NFIC: variants seen among roughly 807,000 people sequenced by gnomAD.
NFIC encodes nuclear factor I C, also known as nuclear factor 1 C-type.
NFIC carries 12 observed loss-of-function variants against 54.4 expected under a neutral mutation model. That is an observed-to-expected ratio of 0.22 (90% CI 0.14 to 0.36). The LOEUF (loss-of-function observed/expected upper bound fraction) is 0.36, where lower values mean the gene tolerates loss of function less well. Among genes scored for constraint, NFIC ranks in the 10% least tolerant of loss-of-function variants. NFIC has a pLI of 1.00. For synonymous variants in NFIC, 322 were observed against 319.2 expected, an observed-to-expected ratio of 1.01 and a Z score of -0.09; for missense variants, 575 against 718.2, an observed-to-expected ratio of 0.80 and a Z score of 2.28.
chr19:3,372,872 T>C (rs1322390272), intron 1 of NFIC, among the ~76,000 whole-genome samples: 7 of 150,594 alleles, frequency 4.6e-5, no homozygotes, highest in African/African-American at 1.7e-4. Flanking sequence ...TGAAACAGAG[T>C]CTCGCTCTGT....
intron 2 of NFIC, among the ~76,000 whole-genome samples, chr19:3,412,381 G>A (rs988116756): frequency 1.1e-4 from 17 of 152,134 alleles, no homozygotes; most frequent in African/African-American, 3.9e-4. Context: ...AAGTAGCTGC[G>A]ACTACAGGAT....
intron 6 of NFIC, among the ~76,000 whole-genome samples, chr19:3,443,123 C>A (rs938697659): frequency 6.6e-6 from 1 of 152,142 alleles, no homozygotes; most frequent in Non-Finnish European, 1.5e-5. Context: ...GGCTGAGAAA[C>A]CTGTATTAAT....
chr19:3,465,723 C>G lies in NFIC; in HGVS notation c.*2954C>G, dbSNP rs1404416397. 1 of 152,270 alleles carries G rather than the reference C, an allele frequency of 6.6e-6. No homozygotes were observed. Among genetic ancestry groups the G allele is most frequent in the Non-Finnish European group, 1.5e-5 (1 of 68,090 alleles). 9.4% of individuals were successfully genotyped at this position (152,270 alleles called of 1,614,324 possible). On this transcript the variant is annotated 3_prime_UTR_variant, in exon 11 of 11. Transcript: ENST00000443272. ...GGTCCCTAGGCCACGGGCCGGCCCC[C>G]AGACACCATTCACCGACCCACTGCA...
At chr19:3,428,743 A>T (rs977398836) in intron 3 of NFIC, among the ~76,000 whole-genome samples, 7 of 152,016 alleles carry the variant, frequency 4.6e-5, no homozygotes, top group African/African-American at 4.8e-5. Flanking sequence ...AGAGGAAATC[A>T]CGTCCTCCCA....
At chr19:3,379,673 C>CTTTTTTTTT (rs370082450) in intron 1 of NFIC, among the ~76,000 whole-genome samples, 11 of 102,534 alleles carry the variant, frequency 1.1e-4, no homozygotes, top group East Asian at 3.3e-4. Flanking sequence ...TTATTTCTTT[C>CTTTTTTTTT]TTTTTTTTTT....
In NFIC at chr19:3,375,444, G is replaced by T. The variant is rs746098358; in HGVS notation, c.31-6268G>T. On this transcript the variant is annotated intron_variant, in intron 1 of 10. Coordinates refer to ENST00000443272, the MANE Select transcript of NFIC (RefSeq NM_001245002.2). This position sits in a 1 kb window ranked among gnomAD's most constrained non-coding sequence, Gnocchi z 4.6. ...TCCCAGCTCTGCTGACCGGCTGTGT[G>T]ACCCTGGACAAACCACTCCCCATCT... Among the ~76,000 whole-genome samples the T allele has an allele frequency of 2.0e-5, 3 of 152,200 alleles. No homozygotes were observed. The highest frequency in any genetic ancestry group is 4.8e-5 in the African/African-American group (2 of 41,458).
Position 3,371,931 on chromosome 19 carries a change from CCTTCCT to C in NFIC, c.30+5266_30+5271del, listed in dbSNP as rs1474918830. Among the ~76,000 whole-genome samples, 317 of 132,290 alleles carry C rather than the reference CCTTCCT, an allele frequency of 2.4e-3. 4 individuals are homozygous for C. The highest frequency in any genetic ancestry group is 0.016 in the East Asian group (69 of 4,350). 86.8% of individuals were successfully genotyped at this position (132,290 alleles called of 152,430 possible). A position where few individuals can be genotyped will look rare whatever the true frequency, so the allele number is the denominator to read the frequency against. ...TCCTTCCTTCCTTCCTTCCTTCCTT[CCTTCCT>C]TCCCTCCCTCCCTCCCTCCTTCCTT... On this transcript the variant is annotated intron_variant, in intron 1 of 10. Transcript: ENST00000443272.
chr19:3,405,108 A>G (rs1446056600), intron 2 of NFIC, among the ~76,000 whole-genome samples: 1 of 152,234 alleles, frequency 6.6e-6, no homozygotes, highest in Admixed American at 6.5e-5. Context: ...TTTTCTTTGA[A>G]AGTGATTCCG....
intron 10 of NFIC, among the ~76,000 whole-genome samples, chr19:3,461,331 G>A (rs1380115583): frequency 2.0e-5 from 3 of 152,108 alleles, no homozygotes; most frequent in Non-Finnish European, 4.4e-5. Flanking sequence ...GCTGAGGTGG[G>A]AGGATCACTT....
At chr19:3,422,544 C>G (rs972568601) in intron 2 of NFIC, among the ~76,000 whole-genome samples, 2 of 151,280 alleles carry the variant, frequency 1.3e-5, no homozygotes, top group African/African-American at 4.8e-5. Context: ...GGTGAAACCC[C>G]GTCTCTATTA....
At chr19:3,363,259 ATATATATATATTTT>A (rs1334186099), upstream of NFIC, among the ~76,000 whole-genome samples, 8 of 23,856 alleles carry the variant, frequency 3.4e-4, no homozygotes, top group South Asian at 7.7e-3. Context: ...ATATATATAT[ATATATATATATTTT>A]TTTTTTTTTT....
chr19:3,454,022 G>A lies in NFIC; in HGVS notation c.1423+106G>A, dbSNP rs997580746. 5 of 1,389,382 alleles carry A rather than the reference G, an allele frequency of 3.6e-6. No individual in the cohort carries two copies. In the Admixed American group the frequency reaches 1.8e-4, roughly 50 times the overall value. The allele number at this position is 1,389,382 out of a possible 1,614,324, so 86.1% of individuals were successfully genotyped here. ...CAGAGGTCAGGCCCGACCCTGCAGG[G>A]CCTGGCGAGTTTGGTGGGTCTCCGG... On this transcript the variant is annotated intron_variant, in intron 9 of 10. Coordinates refer to ENST00000443272, the MANE Select transcript of NFIC (RefSeq NM_001245002.2).
intron 2 of NFIC, among the ~76,000 whole-genome samples, chr19:3,404,760 C>G (rs2081616973): frequency 6.6e-6 from 1 of 152,242 alleles, no homozygotes; most frequent in Non-Finnish European, 1.5e-5. Context: ...GCGGCGTGGC[C>G]TCCCAGAGCG....
Position 3,453,866 on chromosome 19 carries a change from C to T in NFIC, c.1373C>T (p.Thr458Ile), listed in dbSNP as rs1323844765. 1 of 1,564,804 alleles carries T rather than the reference C, an allele frequency of 6.4e-7. No homozygotes were observed. The highest frequency in any genetic ancestry group is 1.7e-4 in the Middle Eastern group (1 of 5,996). ...CCACGGCTGGCGCTCCCCCCTGCCA[C>T]CAAACCCGCCACCACCTCCGAGGGA... Reference protein sequence around the residue: ...GLPRLALPPATKPATTSEGGA... With the variant: ...GLPRLALPPAIKPATTSEGGA... Residue 458 changes from threonine to isoleucine, a missense_variant, in exon 9 of 11, where the codon ACC becomes ATC. Around this residue, in one of 3 missense-constraint regions of NFIC, gnomAD observed 447 missense variants for 526.9 expected, o/e 0.85. Coordinates refer to ENST00000443272, the MANE Select transcript of NFIC (RefSeq NM_001245002.2). This position sits in a 1 kb window ranked among gnomAD's most constrained non-coding sequence, Gnocchi z 6.7.
intron 3 of NFIC, among the ~76,000 whole-genome samples, chr19:3,429,890 C>T (rs1200157951): frequency 6.6e-6 from 1 of 152,198 alleles, no homozygotes; most frequent in Non-Finnish European, 1.5e-5. Context: ...AAACATCATC[C>T]CCATCGGAGA....
intron 7 of NFIC, among the ~76,000 whole-genome samples, chr19:3,450,038 G>C (rs1354482729): frequency 6.6e-6 from 1 of 152,028 alleles, no homozygotes; most frequent in Non-Finnish European, 1.5e-5. Flanking sequence ...CTGGGCGACA[G>C]AGCAAGACCC....
intron 2 of NFIC, among the ~76,000 whole-genome samples, chr19:3,391,358 A>G (rs2081373841): frequency 6.6e-6 from 1 of 152,140 alleles, no homozygotes; most frequent in Non-Finnish European, 1.5e-5. Flanking sequence ...AAGTAATAAT[A>G]TTATATCTAT....
chr19:3,373,560 G>C lies in NFIC; in HGVS notation c.30+6894G>C, dbSNP rs190776221. On this transcript the variant is annotated intron_variant, in intron 1 of 10. Transcript: ENST00000443272. ...TCTCCATCAGAAAGCTCCTGGCCTG[G>C]AGTGCCATCTCTCAAGACTTTGTTC... 4.6e-5 allele frequency among the ~76,000 whole-genome samples: 7 copies of C among 151,978 alleles called. No individual in the cohort carries two copies. The East Asian group carries it at 1.4e-3, about 29-fold the overall frequency.
rs78114728 is a variant in NFIC at position 3,416,144 on chromosome 19, C to T, written c.563-8962C>T. Among the ~76,000 whole-genome samples, 10 of 148,316 alleles carry T rather than the reference C, an allele frequency of 6.7e-5. No individual in the cohort carries two copies. In the East Asian group the frequency reaches 1.6e-3, roughly 23 times the overall value. ...CACCACTGTCCTCCATCCCGGGCCA[C>T]AGAGTGAGGCCCTGTCTCAAAAAAA... On this transcript the variant is annotated intron_variant, in intron 2 of 10. Transcript: ENST00000443272.
Sources: gnomAD v4.1 joint callset for allele counts (sites outside exome capture counted in the v4.1 genomes callset) on GRCh38, gnomAD v4.1.1 for gene constraint, gnomAD v4.1.1 regional missense constraint, Gnocchi (gnomAD v3.1) non-coding constraint, MANE v1.5 for transcripts, NCBI Gene and HGNC (gene_info 2026-07-23, HGNC 2026-07-21) for gene names.